NID1: variants seen among roughly 807,000 people sequenced by gnomAD.
The protein encoded by NID1 is nidogen-1.
Under a neutral mutation model 130.6 loss-of-function variants are expected in NID1, and 76 were observed. The observed-to-expected ratio is 0.58, with a 90% CI of 0.48 to 0.70. The LOEUF is 0.70. Ranked by LOEUF, NID1 falls within the 30% of genes least tolerant of loss-of-function variation. The pLI, the probability that NID1 is intolerant of heterozygous loss-of-function variation, is 0.00. For missense variants in NID1, 1,517 were observed against 1,664.8 expected (o/e 0.91, Z 1.54); for synonymous variants, 665 against 675.1 (o/e 0.98, Z 0.23).
intron 2 of NID1, among the ~76,000 whole-genome samples, chr1:236,046,435 T>A (rs983434169): frequency 1.3e-5 from 2 of 151,864 alleles, no homozygotes; most frequent in African/African-American, 4.8e-5. Flanking sequence ...AGAGGAAGCG[T>A]CCCATGCCAG....
chr1:236,001,463 G>A (rs1320492220), intron 12 of NID1, among the ~76,000 whole-genome samples: 1 of 152,106 alleles, frequency 6.6e-6, no homozygotes, highest in Non-Finnish European at 1.5e-5. Context: ...ATAGACACTT[G>A]TTAGTCCAAG....
chr1:235,992,800 A>G (rs1657795481), intron 13 of NID1, among the ~76,000 whole-genome samples: 1 of 152,246 alleles, frequency 6.6e-6, no homozygotes, highest in African/African-American at 2.4e-5. Context: ...TCGGGGAAAT[A>G]TTTGATAGGA....
chr1:235,993,514 C>T, intron 13 of NID1, 131 bp downstream of exon 13: 4 of 796,486 alleles, frequency 5.0e-6, no homozygotes, highest in Non-Finnish European at 7.7e-6. Context: ...GCAGCAGGAG[C>T]GGGTGGGGCT....
chr1:236,061,469 TG>T (rs1660033872), intron 1 of NID1, among the ~76,000 whole-genome samples: 1 of 152,184 alleles, frequency 6.6e-6, no homozygotes, highest in South Asian at 2.1e-4. Flanking sequence ...CTCTTTTTTT[TG>T]TTTTTTTTGA....
At chr1:235,986,358 A>T (rs1056758951) in intron 14 of NID1, among the ~76,000 whole-genome samples, 7 of 152,188 alleles carry the variant, frequency 4.6e-5, no homozygotes, top group Non-Finnish European at 4.4e-5. Flanking sequence ...GATGCAAGAT[A>T]CAAAGTCAAT....
At position 236,045,677 on chromosome 1, in the gene NID1, T is replaced by C. The variant is rs762920921; in HGVS notation, c.532A>G (p.Thr178Ala). The change falls in exon 3 of 20, where the codon ACG (threonine) becomes GCG (alanine). Residue 178 changes from threonine (T) to alanine (A), a missense_variant. By Grantham distance (58) the Thr-to-Ala change is moderately conservative (BLOSUM62 0). Around this residue, in one of 3 missense-constraint regions of NID1, gnomAD observed 1,329 missense variants for 1,429.2 expected, o/e 0.93. Transcript: ENST00000264187. ...RDPDQKGKRN[T>A]FQAVLASSDS... ...GAGGAGGCTAGAACAGCCTGGAACG[T>C]GTTTCTCTGTGAAGATGAGTTAAAA... 1.2e-6 allele frequency: 2 copies of C among 1,609,264 alleles called. No homozygotes were observed. The highest frequency in any genetic ancestry group is 2.7e-5 in the African/African-American group (2 of 74,836).
At chr1:236,050,740 C>A (rs73116904) in intron 1 of NID1, among the ~76,000 whole-genome samples, 18 of 152,024 alleles carry the variant, frequency 1.2e-4, no homozygotes, top group African/African-American at 4.3e-4. Context: ...CATGGAAGAC[C>A]AAGCCAGTGA....
At chr1:236,058,158 T>TA (rs1415270260) in intron 1 of NID1, among the ~76,000 whole-genome samples, 1 of 152,228 alleles carries the variant, frequency 6.6e-6, no homozygotes, top group East Asian at 1.9e-4. Context: ...GAATTTGCAT[T>TA]AAGGAGTAAA....
intron 12 of NID1, among the ~76,000 whole-genome samples, chr1:236,003,390 C>T (rs1029434492): frequency 1.3e-5 from 2 of 152,148 alleles, no homozygotes; most frequent in African/African-American, 4.8e-5. Context: ...TAGTTGGATG[C>T]CTTGGACAAA....
At chr1:236,009,819 C>A (rs2102814508) in intron 12 of NID1, among the ~76,000 whole-genome samples, 1 of 152,272 alleles carries the variant, frequency 6.6e-6, no homozygotes, top group South Asian at 2.1e-4. Context: ...AACATTCTTA[C>A]ACGTTTCTAG....
At position 236,041,989 on chromosome 1, in the gene NID1, A is replaced by G. The variant is rs143608412; in HGVS notation, c.1056T>C (p.Ser352=). 8.3e-5 allele frequency: 134 copies of G among 1,614,150 alleles called. 1 individual carries two copies. The African/African-American group carries it at 1.7e-3, about 20-fold the overall frequency. The change falls in exon 4 of 20, where the codon TCT becomes TCC. Residue 352 remains serine (S), a synonymous_variant. Transcript: ENST00000264187. ...PLGPPTERTR[S]FQLAVETFHQ... ...GAAAAGTCTCCACTGCCAACTGGAA[A>G]GACCTGGTTCTCTCTGTGGGAGGTC... is the stretch of plus-strand genomic sequence containing the variant.
chr1:236,047,663 T>C (rs1659643659), intron 2 of NID1, among the ~76,000 whole-genome samples: 1 of 152,164 alleles, frequency 6.6e-6, no homozygotes, highest in Non-Finnish European at 1.5e-5. Context: ...TACCTTTCTA[T>C]CTTTGCATCC....
intron 2 of NID1, among the ~76,000 whole-genome samples, chr1:236,047,379 A>G (rs1353707327): frequency 6.6e-6 from 1 of 152,058 alleles, no homozygotes; most frequent in Non-Finnish European, 1.5e-5. Context: ...TCATTTTCCT[A>G]TAAAGGTGAA....
intron 13 of NID1, among the ~76,000 whole-genome samples, chr1:235,992,770 T>C (rs1466081133): frequency 6.6e-6 from 1 of 152,198 alleles, no homozygotes; most frequent in Non-Finnish European, 1.5e-5. Context: ...GAGTAATTGT[T>C]TTACTGTTTC....
intron 2 of NID1, among the ~76,000 whole-genome samples, chr1:236,046,554 C>A (rs1023351652): frequency 6.6e-6 from 1 of 151,454 alleles, no homozygotes; most frequent in Admixed American, 6.6e-5. Context: ...GTAGGGGGGT[C>A]AGGGAGAGGA....
rs148420954 is a variant in NID1, at chr1:236,026,025, C to T, written c.1855G>A (p.Val619Ile). The change falls in exon 8 of 20, where the codon GTC (valine) becomes ATC (isoleucine). Residue 619 changes from valine to isoleucine, a missense_variant. Physicochemically the swap from Val to Ile is conservative, Grantham distance 29. Transcript: ENST00000264187. Reference sequence around the variant, plus strand: ...AGGGCTGGCCGGGAGTCATCGTGGACGCATTCCTGGAAGGTGATGGTCTGG... The same window carrying T: ...AGGGCTGGCCGGGAGTCATCGTGGATGCATTCCTGGAAGGTGATGGTCTGG... ...WRQTITFQEC[V>I]HDDSRPALPS... 3.7e-5 allele frequency: 59 copies of T among 1,613,024 alleles called. No individual in the cohort carries two copies. The highest frequency in any genetic ancestry group is 1.3e-4 in the African/African-American group (10 of 74,696).
In NID1 at chr1:236,042,143, G is replaced by A. The variant is rs1267214063; in HGVS notation, c.902C>T (p.Thr301Ile). The change falls in exon 4 of 20, where the codon ACT becomes ATT. Residue 301 changes from threonine to isoleucine, a missense_variant. Around this residue, in one of 3 missense-constraint regions of NID1, gnomAD observed 1,329 missense variants for 1,429.2 expected, o/e 0.93. Transcript: ENST00000264187. ...DEDEDYDLAT[T>I]RLGLEDVGTT... ...GCCCACATCCTCCAGGCCCAGACGA[G>A]TGGTCGCCAGGTCATAATCTTCATC... The A allele has an allele frequency of 9.3e-6, 15 of 1,613,934 alleles. No individual in the cohort carries two copies. The highest frequency in any genetic ancestry group is 1.2e-5 in the Non-Finnish European group (14 of 1,180,016).
intron 19 of NID1, 54 bp from the exon 20 acceptor site, chr1:235,978,042 C>T: frequency 6.3e-7 from 1 of 1,594,812 alleles, no homozygotes; most frequent in Non-Finnish European, 8.5e-7. Flanking sequence ...GACTCCATAG[C>T]CATTTAAGAT....
At chr1:235,978,070 G>A (rs1657322616) in intron 19 of NID1, 82 bp from the exon 20 acceptor site, 2 of 1,517,582 alleles carry the variant, frequency 1.3e-6, no homozygotes, top group Non-Finnish European at 9.0e-7. Flanking sequence ...TCCTTCTTGT[G>A]TGTGATCCCC....
Sources: allele counts gnomAD v4.1 joint callset (sites outside exome capture counted in the v4.1 genomes callset), GRCh38; gene constraint gnomAD v4.1.1; regional missense constraint gnomAD v4.1.1; transcripts MANE v1.5; gene names NCBI Gene and HGNC (gene_info 2026-07-23, HGNC 2026-07-21).